Variants in WASF3 observed in about 807,000 individuals in gnomAD.
WASF3 encodes the protein actin-binding protein WASF3.
A neutral mutation model predicts 46.6 loss-of-function variants in WASF3; 11 were observed. The ratio of observed to expected loss-of-function variants is 0.24; its 90% CI spans 0.15 to 0.39. WASF3 has a LOEUF of 0.39. Among genes scored for constraint, WASF3 ranks in the 10% least tolerant of loss-of-function variants. WASF3 has a pLI of 1.00. For missense variants in WASF3, 576 were observed against 669.8 expected (o/e 0.86, Z 1.55); for synonymous variants, 242 against 259.7 (o/e 0.93, Z 0.65).
chr13:26,624,449 T>C (rs918839546), intron 2 of WASF3, among the ~76,000 whole-genome samples: 4 of 151,982 alleles, frequency 2.6e-5, no homozygotes, highest in African/African-American at 7.3e-5. Context: ...AAACCGAGCA[T>C]CTAAGAACTA....
chr13:26,603,437 A>G (rs1290866722), intron 1 of WASF3, among the ~76,000 whole-genome samples: 1 of 152,208 alleles, frequency 6.6e-6, no homozygotes, highest in Non-Finnish European at 1.5e-5. Flanking sequence ...TCAGGAGGCA[A>G]TAGGAAGTCA....
At chr13:26,680,315 G>T (rs374645001) in intron 7 of WASF3, 3 of 1,259,602 alleles carry the variant, frequency 2.4e-6, no homozygotes. Flanking sequence ...AGCCAGGAGC[G>T]TGTGACTGTC....
chr13:26,637,555 C>A (rs755658237), intron 2 of WASF3, among the ~76,000 whole-genome samples: 1 of 152,216 alleles, frequency 6.6e-6, no homozygotes, highest in Non-Finnish European at 1.5e-5. Flanking sequence ...CTGTTGCCCT[C>A]ACATTTAGCT....
intron 3 of WASF3, among the ~76,000 whole-genome samples, chr13:26,645,772 G>A (rs1168960908): frequency 2.0e-5 from 3 of 152,160 alleles, no homozygotes; most frequent in Non-Finnish European, 4.4e-5. Context: ...AAGACCCACA[G>A]ATGACCCCAA....
chr13:26,636,517 C>T (rs563509270), intron 2 of WASF3, among the ~76,000 whole-genome samples: 1 of 152,382 alleles, frequency 6.6e-6, no homozygotes, highest in African/African-American at 2.4e-5. Context: ...TGGGCTGCAC[C>T]CACTGTCCAA....
At chr13:26,558,042 G>A (rs1426469136) in intron 1 of WASF3, among the ~76,000 whole-genome samples, 1 of 151,534 alleles carries the variant, frequency 6.6e-6, no homozygotes, top group African/African-American at 2.4e-5. Context: ...TCCCGCGCTG[G>A]CAGGGGCTTC....
At chr13:26,568,556 G>T (rs753879571) in intron 1 of WASF3, among the ~76,000 whole-genome samples, 1 of 152,138 alleles carries the variant, frequency 6.6e-6, no homozygotes, top group African/African-American at 2.4e-5. Flanking sequence ...TTGCATGCAG[G>T]AATTTTCCCC....
chr13:26,664,650 C>T (rs1488052422), intron 3 of WASF3, among the ~76,000 whole-genome samples: 1 of 152,138 alleles, frequency 6.6e-6, no homozygotes, highest in Non-Finnish European at 1.5e-5. Context: ...GATTTAAAGG[C>T]CAACATGATA....
At chr13:26,622,890 G>A (rs1351906262) in intron 2 of WASF3, 1 of 152,156 alleles carries the variant, frequency 6.6e-6, no homozygotes, top group Admixed American at 6.5e-5. Context: ...TGTGAAGGTG[G>A]AGTTTCTCTT....
At chr13:26,540,361 T>C in the WASF3 span, among the ~76,000 whole-genome samples, 2 of 152,132 alleles carry the variant, frequency 1.3e-5, no homozygotes, top group Non-Finnish European at 2.9e-5. Flanking sequence ...CCCTTGAAGG[T>C]CAGAGTCCTG....
chr13:26,663,987 G>A (rs1293265758), intron 3 of WASF3, among the ~76,000 whole-genome samples: 2 of 152,162 alleles, frequency 1.3e-5, no homozygotes, highest in African/African-American at 4.8e-5. Flanking sequence ...TACCTCCCGG[G>A]CTCACTTATT....
intron 2 of WASF3, among the ~76,000 whole-genome samples, chr13:26,623,558 A>G (rs1403260995): frequency 6.6e-6 from 1 of 152,228 alleles, no homozygotes; most frequent in African/African-American, 2.4e-5. Context: ...GATGCAAAGC[A>G]AAGTTCTCTT....
In WASF3 at chr13:26,602,977, T is replaced by C. The variant is rs188706666; in HGVS notation, c.-108-9984T>C. 9.5e-4 allele frequency among the ~76,000 whole-genome samples: 144 copies of C among 152,326 alleles called. 1 individual carries two copies. Among genetic ancestry groups the C allele is most frequent in the African/African-American group, 3.4e-3 (140 of 41,578 alleles). On this transcript the variant is annotated intron_variant, in intron 1 of 9. Transcript: ENST00000335327. ...ATCTAACCCGTTGGTATCCAACAGA[T>C]TGCTGACTGTGTAGTATTTTAGCCC...
intron 2 of WASF3, chr13:26,640,867 G>A (rs1414653064): frequency 1.3e-5 from 2 of 152,164 alleles, no homozygotes; most frequent in African/African-American, 4.8e-5. Flanking sequence ...GTTACTGCCT[G>A]GGTGGCAGTT....
intron 1 of WASF3, among the ~76,000 whole-genome samples, chr13:26,610,109 C>G (rs1339258592): frequency 6.6e-6 from 1 of 152,182 alleles, no homozygotes; most frequent in Non-Finnish European, 1.5e-5. Flanking sequence ...AGCACTACCT[C>G]AGAGCACTCC....
At chr13:26,579,994 AT>A (rs747257718) in intron 1 of WASF3, among the ~76,000 whole-genome samples, 4 of 152,088 alleles carry the variant, frequency 2.6e-5, no homozygotes, top group Non-Finnish European at 4.4e-5. Flanking sequence ...ACATTACAAG[AT>A]TTTTTTGTGA....
intron 9 of WASF3, 62 bp from the exon 10 acceptor site, chr13:26,685,626 G>A (rs754640170): frequency 7.6e-5 from 121 of 1,585,306 alleles, no homozygotes; most frequent in Non-Finnish European, 9.6e-5. Flanking sequence ...ATATTTGTTC[G>A]TTTATCTTTA....
intron 1 of WASF3, among the ~76,000 whole-genome samples, chr13:26,574,721 TTTA>T (rs775520258): frequency 6.6e-6 from 1 of 152,216 alleles, no homozygotes; most frequent in Non-Finnish European, 1.5e-5. Context: ...ACTCTGTTCA[TTTA>T]TTGTTTGATG....
At chr13:26,636,678 A>G (rs1007631999) in intron 2 of WASF3, among the ~76,000 whole-genome samples, 4 of 152,080 alleles carry the variant, frequency 2.6e-5, no homozygotes, top group African/African-American at 4.8e-5. Context: ...TTTACCACCA[A>G]TATCTCTGCT....
Sources: gnomAD v4.1 joint callset for allele counts (sites outside exome capture counted in the v4.1 genomes callset) on GRCh38, gnomAD v4.1.1 for gene constraint, MANE v1.5 for transcripts, NCBI Gene and HGNC (gene_info 2026-07-23, HGNC 2026-07-21) for gene names.